The following REDIC1 variants were observed in gnomAD, a reference collection of about 807,000 sequenced individuals.
REDIC1 encodes the protein regulator of DNA class I crossover intermediates 1.
the REDIC1 span, among the ~76,000 whole-genome samples, chr12:39,632,455 C>T: frequency 2.9e-4 from 44 of 151,960 alleles, no homozygotes; most frequent in South Asian, 1.2e-3. Flanking sequence ...AGATTGACAA[C>T]GTAGTAAAAC....
At chr12:39,830,093 A>T in the REDIC1 span, 1 of 1,613,274 alleles carries the variant, frequency 6.2e-7, no homozygotes, top group Admixed American at 1.7e-5. Context: ...TGGTAAAATG[A>T]GTGATATACC....
chr12:39,850,890 C>A, the REDIC1 span, among the ~76,000 whole-genome samples: 16 of 151,796 alleles, frequency 1.1e-4, no homozygotes, highest in Non-Finnish European at 2.1e-4. Context: ...ATATTTAGGC[C>A]CCACAAAGTT....
chr12:39,680,513 T>A, the REDIC1 span, among the ~76,000 whole-genome samples: 17 of 152,312 alleles, frequency 1.1e-4, no homozygotes, highest in Non-Finnish European at 2.4e-4. Flanking sequence ...AAGGGAATAC[T>A]TTTACACTGC....
chr12:39,703,433 G>T, the REDIC1 span, among the ~76,000 whole-genome samples: 2 of 149,896 alleles, frequency 1.3e-5, no homozygotes, highest in Non-Finnish European at 3.0e-5. Flanking sequence ...GGAAATAAAA[G>T]AGGATACAAA....
chr12:39,901,984 C>T, the REDIC1 span, among the ~76,000 whole-genome samples: 17 of 151,974 alleles, frequency 1.1e-4, no homozygotes, highest in Admixed American at 5.9e-4. Context: ...AAATGTGGCA[C>T]ATATACACCA....
the REDIC1 span, chr12:39,685,025 T>G: frequency 1.3e-6 from 1 of 793,838 alleles, no homozygotes; most frequent in South Asian, 2.3e-5. Context: ...AGCTTAACAT[T>G]TATTCATTAA....
At chr12:39,703,104 A>C in the REDIC1 span, among the ~76,000 whole-genome samples, 66 of 152,332 alleles carry the variant, frequency 4.3e-4, no homozygotes, top group African/African-American at 1.5e-3. Flanking sequence ...CAGGAGAAGA[A>C]AATAAAGGGG....
At chr12:39,709,572 T>C in the REDIC1 span, among the ~76,000 whole-genome samples, 7 of 151,022 alleles carry the variant, frequency 4.6e-5, no homozygotes, top group Non-Finnish European at 8.9e-5. Context: ...CTTATATAAC[T>C]AGTAGGTGAA....
At chr12:39,699,557 TAAAC>T in the REDIC1 span, among the ~76,000 whole-genome samples, 4 of 152,070 alleles carry the variant, frequency 2.6e-5, no homozygotes, top group African/African-American at 4.8e-5. Context: ...CTTGCTTAGG[TAAAC>T]AAAGCAACTG....
At chr12:39,719,695 C>T in the REDIC1 span, among the ~76,000 whole-genome samples, 1 of 152,198 alleles carries the variant, frequency 6.6e-6, no homozygotes, top group South Asian at 2.1e-4. Context: ...GTTCAATTCT[C>T]TGAAAGAGTA....
chr12:39,712,459 TA>T, the REDIC1 span, among the ~76,000 whole-genome samples: 1 of 141,884 alleles, frequency 7.0e-6, no homozygotes, highest in Admixed American at 7.0e-5. Context: ...CATACGTATA[TA>T]TACGTATGTA....
the REDIC1 span, among the ~76,000 whole-genome samples, chr12:39,669,320 C>G: frequency 4.6e-5 from 7 of 152,258 alleles, no homozygotes; most frequent in Non-Finnish European, 7.4e-5. Context: ...GAGGTCCACT[C>G]CAGACCCTGT....
At chr12:39,704,461 T>G in the REDIC1 span, among the ~76,000 whole-genome samples, 283 of 152,300 alleles carry the variant, frequency 1.9e-3, 1 homozygote, top group African/African-American at 5.9e-3. Flanking sequence ...GGAACACTTT[T>G]ACACTGTTGG....
chr12:39,684,856 A>G, the REDIC1 span: 1 of 1,599,688 alleles, frequency 6.3e-7, no homozygotes, highest in Non-Finnish European at 8.6e-7. Context: ...CTGTGTATTT[A>G]TAATCCTTAG....
At chr12:39,773,500 C>T in the REDIC1 span, among the ~76,000 whole-genome samples, 9 of 152,146 alleles carry the variant, frequency 5.9e-5, no homozygotes, top group East Asian at 1.9e-4. Context: ...CTAGTTCATA[C>T]GTAGATCTAT....
chr12:39,681,316 T>C, the REDIC1 span, among the ~76,000 whole-genome samples: 1 of 152,076 alleles, frequency 6.6e-6, no homozygotes, highest in Non-Finnish European at 1.5e-5. Context: ...CTGGGGACTC[T>C]GGTGGAGGGT....
the REDIC1 span, among the ~76,000 whole-genome samples, chr12:39,858,432 T>C: frequency 6.6e-6 from 1 of 152,130 alleles, no homozygotes; most frequent in East Asian, 1.9e-4. Flanking sequence ...AGATTCATTT[T>C]ATAGGAAATT....
the REDIC1 span, among the ~76,000 whole-genome samples, chr12:39,629,332 A>G: frequency 6.6e-6 from 1 of 152,196 alleles, no homozygotes; most frequent in South Asian, 2.1e-4. Context: ...AGGGCTCTCT[A>G]TATACTTTTT....
At chr12:39,636,326 T>G in the REDIC1 span, among the ~76,000 whole-genome samples, 1 of 152,160 alleles carries the variant, frequency 6.6e-6, no homozygotes, top group African/African-American at 2.4e-5. Context: ...ATACCTTTTT[T>G]TGGTAATTCA....
Sources: gnomAD v4.1 joint callset for allele counts (sites outside exome capture counted in the v4.1 genomes callset) on GRCh38, gnomAD v4.1.1 for gene constraint, MANE v1.5 for transcripts, NCBI Gene and HGNC (gene_info 2026-07-23, HGNC 2026-07-21) for gene names.